Variants in UBE2W observed in about 807,000 individuals in gnomAD.
UBE2W encodes ubiquitin-conjugating enzyme E2 W.
In UBE2W, 18 loss-of-function variants were observed where a neutral mutation model predicts 27.2. That is an observed-to-expected ratio of 0.66 (90% CI 0.46 to 0.98). The LOEUF is 0.98. UBE2W is among the 50% of genes least tolerant of loss of function. The probability of loss-of-function intolerance (pLI) is 0.00; values close to 1 mark genes in which losing one functional copy is unlikely to be tolerated. For synonymous variants in UBE2W, 53 were observed against 57.2 expected, an observed-to-expected ratio of 0.93 and a Z score of 0.33; for missense variants, 90 against 180.2, an observed-to-expected ratio of 0.50 and a Z score of 2.87.
At chr8:73,813,750 G>T (rs1224524898) in intron 3 of UBE2W, among the ~76,000 whole-genome samples, 2 of 147,262 alleles carry the variant, frequency 1.4e-5, no homozygotes, top group Admixed American at 6.8e-5. Flanking sequence ...TCCACAGATG[G>T]TTTTTTTTTT....
intron 2 of UBE2W, among the ~76,000 whole-genome samples, chr8:73,825,628 C>T (rs542651040): frequency 5.3e-5 from 8 of 152,246 alleles, no homozygotes; most frequent in East Asian, 1.9e-4. Context: ...ATGGTGAAAC[C>T]GGTCTCTACT....
rs150583786 is a variant in UBE2W, at chr8:73,840,387, T to C, written c.16-9915A>G. 3.9e-5 allele frequency among the ~76,000 whole-genome samples: 6 copies of C among 152,326 alleles called. No homozygotes were observed. The East Asian group carries it at 1.2e-3, about 29-fold the overall frequency. On this transcript the variant is annotated intron_variant, in intron 1 of 5. Coordinates refer to ENST00000602593, the MANE Select transcript of UBE2W (RefSeq NM_018299.6). ...CATTCATTTCTAAATTAGTCTGGCT[T>C]CTAAGCTAATTCATTTCTGAAAGTA...
At chr8:73,808,358 C>T (rs1329823606) in intron 4 of UBE2W, among the ~76,000 whole-genome samples, 3 of 152,184 alleles carry the variant, frequency 2.0e-5, no homozygotes, top group Admixed American at 6.6e-5. Context: ...CATCAACCTC[C>T]CAAGTAGCTG....
rs1808246016 is a variant in UBE2W at position 73,792,508 on chromosome 8, ATAT to A, written c.*1591_*1593del. 1.0e-6 allele frequency: 1 copy of A among 985,288 alleles called. No homozygotes were observed. The highest frequency in any genetic ancestry group is 1.2e-6 in the Non-Finnish European group (1 of 829,522). The allele number at this position is 985,288 out of a possible 1,614,324, so 61.0% of individuals were successfully genotyped here. ...TATACAGATTAAAAACAATTTTAAA[ATAT>A]TATTTACCAATTATTGATTGAATGG... On this transcript the variant is annotated 3_prime_UTR_variant, in exon 6 of 6. Coordinates refer to ENST00000602593, the MANE Select transcript of UBE2W (RefSeq NM_018299.6).
intron 1 of UBE2W, chr8:73,831,088 A>T (rs1316987154): frequency 3.8e-6 from 1 of 261,392 alleles, no homozygotes; most frequent in Non-Finnish European, 7.4e-6. Flanking sequence ...CTTCATCTGT[A>T]TGCATTATAA....
intron 1 of UBE2W, among the ~76,000 whole-genome samples, chr8:73,846,958 G>T (rs1810832521): frequency 6.6e-6 from 1 of 152,046 alleles, no homozygotes; most frequent in African/African-American, 2.4e-5. Flanking sequence ...GGATCACGAA[G>T]TCTCAGGAGA....
chr8:73,857,182 C>G (rs1011931911), intron 1 of UBE2W, among the ~76,000 whole-genome samples: 1 of 151,816 alleles, frequency 6.6e-6, no homozygotes, highest in Admixed American at 6.6e-5. Context: ...GGGATTTTAC[C>G]AATACTTTCT....
At chr8:73,839,331 T>G (rs558894956) in intron 1 of UBE2W, among the ~76,000 whole-genome samples, 3 of 143,948 alleles carry the variant, frequency 2.1e-5, no homozygotes, top group Non-Finnish European at 4.5e-5. Flanking sequence ...AGACATTTTT[T>G]TAAAATGCTC....
At chr8:73,875,914 G>C (rs547581860) in intron 1 of UBE2W, among the ~76,000 whole-genome samples, 18 of 152,024 alleles carry the variant, frequency 1.2e-4, no homozygotes, top group Admixed American at 1.2e-3. Flanking sequence ...TTACCTGGGC[G>C]TGGTGGCCAG....
At position 73,788,074 on chromosome 8, in the gene UBE2W, A is replaced by T. The variant is rs1808035214; in HGVS notation, c.*6028T>A. ...CTGTACAAATACTTTTACGTCATAA[A>T]CCAAAAAGAGGTCTGGTATCTATCC... On this transcript the variant is annotated 3_prime_UTR_variant, in exon 6 of 6. Coordinates refer to ENST00000602593, the MANE Select transcript of UBE2W (RefSeq NM_018299.6). 5 of 984,978 alleles carry T rather than the reference A, an allele frequency of 5.1e-6. 1 individual carries two copies. In the South Asian group the frequency reaches 1.4e-4, roughly 28 times the overall value. 61.0% of individuals were successfully genotyped at this position (984,978 alleles called of 1,614,324 possible).
chr8:73,843,616 CAG>C (rs1284910858), intron 1 of UBE2W, among the ~76,000 whole-genome samples: 1 of 151,910 alleles, frequency 6.6e-6, no homozygotes, highest in South Asian at 2.1e-4. Context: ...GCCTGAGTGA[CAG>C]AGAGAGACCC....
chr8:73,824,885 G>C (rs1052352732), intron 3 of UBE2W, among the ~76,000 whole-genome samples: 1 of 152,206 alleles, frequency 6.6e-6, no homozygotes, highest in African/African-American at 2.4e-5. Context: ...CTGGCCTAGA[G>C]GCCTGGTTAG....
chr8:73,787,157 C>A lies in UBE2W; in HGVS notation c.*6945G>T. ...AGGCAAACATTAAAAATAAATCTTA[C>A]AGGCAACTAAAAAAATGGTTGAAAG... On this transcript the variant is annotated 3_prime_UTR_variant, in exon 6 of 6. Transcript: ENST00000602593. The A allele has an allele frequency of 1.0e-6, 1 of 985,418 alleles. No individual in the cohort carries two copies. The highest frequency in any genetic ancestry group is 5.2e-4 in the Middle Eastern group (1 of 1,912). 61.0% of individuals were successfully genotyped at this position (985,418 alleles called of 1,614,324 possible). A position where few individuals can be genotyped will look rare whatever the true frequency, so the allele number is the denominator to read the frequency against.
rs1443188301 is a variant in UBE2W at position 73,791,204 on chromosome 8, C to A, written c.*2898G>T. On this transcript the variant is annotated 3_prime_UTR_variant, in exon 6 of 6. Coordinates refer to ENST00000602593, the MANE Select transcript of UBE2W (RefSeq NM_018299.6). ...CCATAAAATGTATTTTTAAAAAATT[C>A]TCTTAAAAACTGAAAACAATCCTTC... 2 of 982,138 alleles carry A rather than the reference C, an allele frequency of 2.0e-6. No individual in the cohort carries two copies. Among genetic ancestry groups the A allele is most frequent in the East Asian group, 1.1e-4 (1 of 8,778 alleles). 60.8% of individuals were successfully genotyped at this position (982,138 alleles called of 1,614,324 possible). A position where few individuals can be genotyped will look rare whatever the true frequency, so the allele number is the denominator to read the frequency against.
chr8:73,819,796 CT>C (rs1809534440), intron 3 of UBE2W, among the ~76,000 whole-genome samples: 1 of 152,118 alleles, frequency 6.6e-6, no homozygotes, highest in African/African-American at 2.4e-5. Flanking sequence ...TAAAATATAA[CT>C]GGCAGGAAGA....
chr8:73,858,821 T>G (rs191493871), intron 1 of UBE2W, among the ~76,000 whole-genome samples: 5 of 152,134 alleles, frequency 3.3e-5, no homozygotes, highest in Admixed American at 1.3e-4. Flanking sequence ...CATCACGAAC[T>G]TGCAAGGCTT....
At position 73,791,069 on chromosome 8, in the gene UBE2W, CA is replaced by C. The variant is rs1331391195; in HGVS notation, c.*3032del. 2.0e-6 allele frequency: 2 copies of C among 984,686 alleles called. No individual in the cohort carries two copies. The highest frequency in any genetic ancestry group is 3.5e-5 in the African/African-American group (2 of 57,150). The allele number at this position is 984,686 out of a possible 1,614,324, so 61.0% of individuals were successfully genotyped here. On this transcript the variant is annotated 3_prime_UTR_variant, in exon 6 of 6. Transcript: ENST00000602593. ...CTGCTGACTATATAGAAGCTATTTC[CA>C]GCACTTTCTTCTGGGGATTAAAAAT... is the stretch of plus-strand genomic sequence containing the variant.
At chr8:73,866,510 T>C (rs1029656067) in intron 1 of UBE2W, among the ~76,000 whole-genome samples, 1 of 150,900 alleles carries the variant, frequency 6.6e-6, no homozygotes, top group Non-Finnish European at 1.5e-5. Context: ...ATTAATACTA[T>C]GAAACTAAAT....
At chr8:73,809,760 A>C (rs1050822186) in intron 4 of UBE2W, among the ~76,000 whole-genome samples, 4 of 151,994 alleles carry the variant, frequency 2.6e-5, no homozygotes, top group Non-Finnish European at 5.9e-5. Flanking sequence ...TTGTATTTTT[A>C]GTAGAGACAG....
Sources: allele counts gnomAD v4.1 joint callset (sites outside exome capture counted in the v4.1 genomes callset), GRCh38; gene constraint gnomAD v4.1.1; transcripts MANE v1.5; gene names NCBI Gene and HGNC (gene_info 2026-07-23, HGNC 2026-07-21).